The following CERS6 variants were observed in gnomAD, a reference collection of about 807,000 sequenced individuals.
The protein encoded by CERS6 is ceramide synthase 6.
Under a neutral mutation model 56.8 loss-of-function variants are expected in CERS6, and 26 were observed. That is an observed-to-expected ratio of 0.46 (90% CI 0.34 to 0.63). CERS6 has a LOEUF of 0.63. Ranked by LOEUF, CERS6 falls within the 30% of genes least tolerant of loss-of-function variation. CERS6 has a pLI of 0.01. For synonymous variants in CERS6, 164 were observed against 173.3 expected (o/e 0.95, Z 0.42); for missense variants, 415 against 467.5 (o/e 0.89, Z 1.04).
intron 4 of CERS6, among the ~76,000 whole-genome samples, chr2:168,652,284 T>C (rs1287763498): frequency 6.6e-6 from 1 of 152,176 alleles, no homozygotes; most frequent in Admixed American, 6.6e-5. Context: ...TTTGCCTCTG[T>C]TCAAGTTGGT....
chr2:168,558,821 A>AT (rs1324970754), intron 2 of CERS6, among the ~76,000 whole-genome samples: 1 of 152,170 alleles, frequency 6.6e-6, no homozygotes, highest in African/African-American at 2.4e-5. Flanking sequence ...GTGAGCAGAG[A>AT]TTGCACCACT....
intron 8 of CERS6, among the ~76,000 whole-genome samples, chr2:168,743,192 GTATA>G (rs372840499): frequency 6.9e-6 from 1 of 145,980 alleles, no homozygotes; most frequent in Admixed American, 7.2e-5. Flanking sequence ...ATGTGTGTGT[GTATA>G]TATATATGTG....
At chr2:168,648,355 G>T (rs1176039154) in intron 4 of CERS6, among the ~76,000 whole-genome samples, 3 of 151,944 alleles carry the variant, frequency 2.0e-5, no homozygotes, top group Admixed American at 6.6e-5. Flanking sequence ...TTCTGTGGGG[G>T]TCAGTGGTAA....
At chr2:168,478,926 G>A (rs1241866345) in intron 1 of CERS6, among the ~76,000 whole-genome samples, 2 of 152,120 alleles carry the variant, frequency 1.3e-5, no homozygotes, top group East Asian at 1.9e-4. Context: ...ATTTCATTAT[G>A]TTTTTTGTTA....
At chr2:168,548,171 G>T (rs1172372750) in intron 2 of CERS6, among the ~76,000 whole-genome samples, 1 of 152,176 alleles carries the variant, frequency 6.6e-6, no homozygotes, top group Non-Finnish European at 1.5e-5. Context: ...AGGCATAACT[G>T]CAGGATAAAA....
At chr2:168,724,491 CGA>C (rs1683285286) in intron 8 of CERS6, among the ~76,000 whole-genome samples, 1 of 152,048 alleles carries the variant, frequency 6.6e-6, no homozygotes, top group Non-Finnish European at 1.5e-5. Context: ...TTGGTAGAGC[CGA>C]GTGGTCTGTT....
intron 4 of CERS6, among the ~76,000 whole-genome samples, chr2:168,680,130 T>A (rs552381816): frequency 9.9e-5 from 15 of 152,184 alleles, no homozygotes; most frequent in Admixed American, 7.2e-4. Context: ...CCTGGAAGAT[T>A]GGGCAAGAGG....
At chr2:168,620,295 G>T (rs1370606351) in intron 3 of CERS6, among the ~76,000 whole-genome samples, 3 of 151,996 alleles carry the variant, frequency 2.0e-5, no homozygotes. Context: ...GGGTGTGAGG[G>T]ATAAAAGACT....
At chr2:168,542,374 C>T (rs960902292) in intron 1 of CERS6, among the ~76,000 whole-genome samples, 2 of 152,186 alleles carry the variant, frequency 1.3e-5, no homozygotes, top group African/African-American at 4.8e-5. Flanking sequence ...GACATTGATA[C>T]AATCTTCCGA....
At chr2:168,674,893 T>C (rs1686015371) in intron 4 of CERS6, among the ~76,000 whole-genome samples, 2 of 152,238 alleles carry the variant, frequency 1.3e-5, no homozygotes, top group Non-Finnish European at 2.9e-5. Context: ...GTTATTGATG[T>C]TAGCTATTTG....
At chr2:168,485,167 CTT>C (rs530485337) in intron 1 of CERS6, among the ~76,000 whole-genome samples, 7 of 137,306 alleles carry the variant, frequency 5.1e-5, no homozygotes, top group African/African-American at 7.9e-5. Context: ...CACTGCCTTG[CTT>C]TTTTTTTTTT....
At chr2:168,606,449 T>C (rs1684055444) in intron 3 of CERS6, 1 of 152,200 alleles carries the variant, frequency 6.6e-6, no homozygotes, top group Non-Finnish European at 1.5e-5. Flanking sequence ...CATGCTAATG[T>C]TCTCTGGATC....
chr2:168,654,120 T>C (rs1685411722), intron 4 of CERS6, among the ~76,000 whole-genome samples: 1 of 152,220 alleles, frequency 6.6e-6, no homozygotes, highest in South Asian at 2.1e-4. Flanking sequence ...TAAGTTGATA[T>C]AGTAATATCC....
chr2:168,726,176 C>G (rs1050410999), intron 8 of CERS6, among the ~76,000 whole-genome samples: 4 of 152,278 alleles, frequency 2.6e-5, no homozygotes, highest in Admixed American at 1.3e-4. Context: ...TTCCTTAAAT[C>G]TTTGCAAAGA....
intron 1 of CERS6, among the ~76,000 whole-genome samples, chr2:168,546,613 A>G (rs1695470176): frequency 6.6e-6 from 1 of 152,196 alleles, no homozygotes; most frequent in Non-Finnish European, 1.5e-5. Context: ...AGCTTCATCT[A>G]AGATTTAATT....
Position 168,456,398 on chromosome 2 carries a change from GGA to G in CERS6, c.-47_-46del, listed in dbSNP as rs1693652313. ...CGCATCCCCGGGCGCCCTGCGCGGT[GGA>G]GAGCTTGGCGGGCTGCGGGTGCCGC... On this transcript the variant is annotated 5_prime_UTR_variant, in exon 1 of 10. Coordinates refer to ENST00000305747, the MANE Select transcript of CERS6 (RefSeq NM_203463.3). The surrounding 1 kb of genome is among the most constrained non-coding windows in gnomAD (Gnocchi z 4.1). 1 of 1,496,158 alleles carries G rather than the reference GGA, an allele frequency of 6.7e-7. No individual in the cohort carries two copies. Among genetic ancestry groups the G allele is most frequent in the South Asian group, 1.3e-5 (1 of 78,868 alleles). The allele number at this position is 1,496,158 out of a possible 1,614,324, so 92.7% of individuals were successfully genotyped here.
chr2:168,484,812 A>C (rs1167890293), intron 1 of CERS6, among the ~76,000 whole-genome samples: 1 of 152,108 alleles, frequency 6.6e-6, no homozygotes, highest in Non-Finnish European at 1.5e-5. Context: ...AGCCTTGTGA[A>C]TACTCATTGG....
At chr2:168,740,496 T>C (rs1683864090) in intron 8 of CERS6, among the ~76,000 whole-genome samples, 1 of 152,164 alleles carries the variant, frequency 6.6e-6, no homozygotes, top group African/African-American at 2.4e-5. Context: ...GGCAGAGACA[T>C]GAATCACCTG....
At chr2:168,676,324 C>T (rs533770191) in intron 4 of CERS6, among the ~76,000 whole-genome samples, 4 of 152,250 alleles carry the variant, frequency 2.6e-5, no homozygotes, top group Non-Finnish European at 5.9e-5. Flanking sequence ...TTCACCCATA[C>T]ACGGTTTTTT....
Sources: allele counts gnomAD v4.1 joint callset (sites outside exome capture counted in the v4.1 genomes callset), GRCh38; gene constraint gnomAD v4.1.1; non-coding constraint Gnocchi (gnomAD v3.1); transcripts MANE v1.5; gene names NCBI Gene and HGNC (gene_info 2026-07-23, HGNC 2026-07-21).